GATA5: variants seen among roughly 807,000 people sequenced by gnomAD.
GATA5 encodes GATA binding protein 5.
In GATA5, 27 loss-of-function variants were observed where a neutral mutation model predicts 35.0. The ratio of observed to expected loss-of-function variants is 0.77; its 90% CI spans 0.57 to 1.06. GATA5 has a LOEUF of 1.06. GATA5 is among the 50% of genes least tolerant of loss of function. The pLI is 0.00. For synonymous variants in GATA5, 306 were observed against 267.8 expected, an observed-to-expected ratio of 1.14 and a Z score of -1.39; for missense variants, 612 against 580.0, an observed-to-expected ratio of 1.06 and a Z score of -0.57.
Position 62,475,486 on chromosome 20 carries a change from GC to G in GATA5, c.35del (p.Arg12ProfsTer135). 1 of 1,321,714 alleles carries G rather than the reference GC, an allele frequency of 7.6e-7. No homozygotes were observed. 81.9% of individuals were successfully genotyped at this position (1,321,714 alleles called of 1,614,324 possible). A position where few individuals can be genotyped will look rare whatever the true frequency, so the allele number is the denominator to read the frequency against. ...YQSLALAASP[R>X]QAAYADSGSF... is the part of the protein sequence containing the mutation. Reference sequence around the variant, plus strand: ...AGCCCGAGTCGGCGTAGGCGGCCTGGCGGGGGCTCGCGGCCAGCGCCAGGCT... The same window carrying G: ...AGCCCGAGTCGGCGTAGGCGGCCTGGGGGGGCTCGCGGCCAGCGCCAGGCT... On this transcript the variant is annotated frameshift_variant, in exon 2 of 7. Coordinates refer to ENST00000252997, the MANE Select transcript of GATA5 (RefSeq NM_080473.5). LOFTEE classifies it high-confidence loss of function.
rs199934543 is a variant in GATA5, at chr20:62,473,423, C to G, written c.679G>C (p.Val227Leu). 6.2e-7 allele frequency: 1 copy of G among 1,608,482 alleles called. No individual in the cohort carries two copies. The highest frequency in any genetic ancestry group is 8.5e-7 in the Non-Finnish European group (1 of 1,178,124). The change falls in exon 3 of 7, where the codon GTT becomes CTT. Residue 227 changes from valine (V) to leucine (L), a missense_variant. Physicochemically the swap from Val to Leu is conservative, Grantham distance 32. Coordinates refer to ENST00000252997, the MANE Select transcript of GATA5 (RefSeq NM_080473.5). ...HKMNGVNRPL[V>L]RPQKRLSSSR... is the part of the protein sequence containing the mutation. Reference sequence around the variant, plus strand: ...CTCACCAGGCGCTTCTGAGGCCGAACGAGCGGCCGGTTGACGCCATTCATC... The same window carrying G: ...CTCACCAGGCGCTTCTGAGGCCGAAGGAGCGGCCGGTTGACGCCATTCATC...
In GATA5 at chr20:62,465,476, G is replaced by C; in HGVS notation, c.914-12C>G. The C allele has an allele frequency of 1.2e-6, 2 of 1,604,156 alleles. No individual in the cohort carries two copies. The highest frequency in any genetic ancestry group is 1.3e-5 in the African/African-American group (1 of 75,008). On this transcript the variant is annotated splice_polypyrimidine_tract_variant and intron_variant, in intron 5 of 6. Coordinates refer to ENST00000252997, the MANE Select transcript of GATA5 (RefSeq NM_080473.5). The stretch of plus-strand genomic sequence containing the variant: ...ATTCCTTGTGGATCCTGGAAGCGAA[G>C]AGGGGGTGTTTACAGAGGGGTCAGG...
chr20:62,465,872 C>A lies in GATA5; in HGVS notation c.875G>T (p.Arg292Leu), dbSNP rs376516182. ...GGCCTTGGCGATGGTCTTTGGCTTC[C>A]GCTTCCGTGTCTGGATGCTTTCCTT... is the stretch of plus-strand genomic sequence containing the variant. ...MKKESIQTRK[R>L]KPKTIAKARG... The change falls in exon 5 of 7, where the codon CGG becomes CTG. Residue 292 changes from arginine (R) to leucine (L), a missense_variant. By Grantham distance (102) the Arg-to-Leu change is moderately radical (BLOSUM62 -2). Transcript: ENST00000252997. 5.6e-6 allele frequency: 9 copies of A among 1,597,790 alleles called. No homozygotes were observed. The African/African-American group carries it at 9.4e-5, about 17-fold the overall frequency.
rs56712807 is a variant in GATA5 at position 62,466,417 on chromosome 20, C to A, written c.825+9G>T. 1.5e-3 allele frequency: 2,414 copies of A among 1,578,290 alleles called. 36 individuals carry two copies. In the African/African-American group the frequency reaches 0.027, roughly 18 times the overall value. Reference sequence around the variant, plus strand: ...GGCCTCCCCGCCCTGCCCCGGGGACCACACTCACCCCGTGCAGCTTCATGT... The same window carrying A: ...GGCCTCCCCGCCCTGCCCCGGGGACAACACTCACCCCGTGCAGCTTCATGT... On this transcript the variant is annotated intron_variant, in intron 4 of 6. Transcript: ENST00000252997.
intron 5 of GATA5, 74 bp downstream of exon 5, chr20:62,465,760 C>T (rs1989568728): frequency 6.0e-6 from 7 of 1,167,346 alleles, no homozygotes; most frequent in Admixed American, 2.0e-5. Context: ...ACACACAGGT[C>T]TCTCATGACG....
chr20:62,475,402 G>A lies in GATA5; in HGVS notation c.120C>T (p.Pro40=). Residue 40 remains proline, a synonymous_variant, in exon 2 of 7, where the codon CCC becomes CCT. Coordinates refer to ENST00000252997, the MANE Select transcript of GATA5 (RefSeq NM_080473.5). ...SPMFVPPARV[P]SMLSYLSGCE... is the part of the protein sequence containing the mutation. The stretch of plus-strand genomic sequence containing the variant: ...ACCCGGACAGGTAGGACAGCATCGA[G>A]GGGACGCGCGCCGGCGGCACAAACA... The A allele has an allele frequency of 7.4e-7, 1 of 1,357,392 alleles. No individual in the cohort carries two copies. The highest frequency in any genetic ancestry group is 9.5e-7 in the Non-Finnish European group (1 of 1,054,226). 84.1% of individuals were successfully genotyped at this position (1,357,392 alleles called of 1,614,324 possible).
intron 6 of GATA5, 40 bp downstream of exon 6, chr20:62,465,300 G>T (rs1336074020): frequency 9.0e-6 from 14 of 1,557,838 alleles, no homozygotes; most frequent in Non-Finnish European, 1.2e-5. Flanking sequence ...AAGCACAGGG[G>T]CCCCAGCTCT....
Position 62,475,093 on chromosome 20 carries a change from C to G in GATA5, c.429G>C (p.Pro143=). 3.6e-6 allele frequency: 5 copies of G among 1,404,256 alleles called. No individual in the cohort carries two copies. The highest frequency in any genetic ancestry group is 4.6e-6 in the Non-Finnish European group (5 of 1,075,530). The allele number at this position is 1,404,256 out of a possible 1,614,324, so 87.0% of individuals were successfully genotyped here. ...GGGCCACGTCGGGGCTCACGTAGGCCGGGTAGGTGGCGGAGTACGAGGTCC... is the reference window on the plus strand; with the variant it reads ...GGGCCACGTCGGGGCTCACGTAGGCGGGGTAGGTGGCGGAGTACGAGGTCC... ...PVGTSYSATY[P]AYVSPDVAQS... is the part of the protein sequence containing the mutation. Residue 143 remains proline, a synonymous_variant, in exon 2 of 7, where the codon CCG becomes CCC. Coordinates refer to ENST00000252997, the MANE Select transcript of GATA5 (RefSeq NM_080473.5).
chr20:62,465,555 CAG>C, intron 5 of GATA5, 91 bp from the exon 6 acceptor site: 1 of 1,505,568 alleles, frequency 6.6e-7, no homozygotes, highest in South Asian at 1.3e-5. Flanking sequence ...GGCCCCGGCC[CAG>C]AGAGGTTTGG....
chr20:62,464,979 C>G lies in GATA5; in HGVS notation c.1051G>C (p.Glu351Gln). ...TGGCCGGGGGCAAGAGAGTCATCCT[C>G]CTGGCCAGAGGCCTGCAGGGACAGG... ...PSMAPQASGQ[E>Q]DDSLAPGHLE... Residue 351 changes from glutamate (E) to glutamine (Q), a missense_variant, in exon 7 of 7, where the codon GAG becomes CAG. By Grantham distance (29) the Glu-to-Gln change is conservative (BLOSUM62 2). Transcript: ENST00000252997. 6.3e-7 allele frequency: 1 copy of G among 1,592,624 alleles called. No individual in the cohort carries two copies. Among genetic ancestry groups the G allele is most frequent in the East Asian group, 2.3e-5 (1 of 43,504 alleles).
intron 3 of GATA5, among the ~76,000 whole-genome samples, chr20:62,472,841 GGCATAAACCT>G (rs149679951): frequency 0.21 from 32,232 of 152,002 alleles, 3,557 homozygotes; most frequent in East Asian, 0.34. Context: ...GCAGAGGACA[GGCATAAACCT>G]GGTGTCCCTG....
rs7344065 is a variant in GATA5 at position 62,464,287 on chromosome 20, T to C, written c.*549A>G. The C allele has an allele frequency of 0.32, 48,425 of 152,266 alleles. 8,824 individuals carry two copies. Among genetic ancestry groups the C allele is most frequent in the African/African-American group, 0.49 (20,421 of 41,480 alleles). 9.4% of individuals were successfully genotyped at this position (152,266 alleles called of 1,614,324 possible). The stretch of plus-strand genomic sequence containing the variant: ...CTCCGATCCCTGGCAGTCCTGCACC[T>C]GTTGCGGGAAAAGTTCTCTGCACCA... On this transcript the variant is annotated 3_prime_UTR_variant, in exon 7 of 7. Transcript: ENST00000252997.
rs1442538609 is a variant in GATA5 at position 62,466,657 on chromosome 20, T to C, written c.700-106A>G. On this transcript the variant is annotated intron_variant, in intron 3 of 6. Transcript: ENST00000252997. ...GGCCTTGCGGCCACGCAGGACCCGG[T>C]GAGAAGGTCGTGAGCTCTGCAATGG... The C allele has an allele frequency of 9.7e-6, 13 of 1,335,738 alleles. No homozygotes were observed. In the African/African-American group the frequency reaches 1.5e-4, roughly 15 times the overall value. 82.7% of individuals were successfully genotyped at this position (1,335,738 alleles called of 1,614,324 possible). A position where few individuals can be genotyped will look rare whatever the true frequency, so the allele number is the denominator to read the frequency against.
At chr20:62,473,640 T>C (rs1039514030) in intron 2 of GATA5, 62 bp from the exon 3 acceptor site, 30 of 1,506,182 alleles carry the variant, frequency 2.0e-5, no homozygotes, top group African/African-American at 1.8e-4. Context: ...CCCCAGCTCA[T>C]GGGCCGGCAC....
intron 3 of GATA5, 81 bp from the exon 4 acceptor site, chr20:62,466,632 G>T: frequency 6.8e-7 from 1 of 1,472,356 alleles, no homozygotes; most frequent in South Asian, 1.3e-5. Flanking sequence ...GACTCAGGTC[G>T]GCCTTGCGGC....
At chr20:62,474,906 G>A in intron 2 of GATA5, 93 bp downstream of exon 2, 1 of 1,106,482 alleles carries the variant, frequency 9.0e-7, no homozygotes, top group Non-Finnish European at 1.2e-6. Flanking sequence ...CTCGGACCGT[G>A]GGGGAGGATG....
chr20:62,471,795 C>T (rs1555896583), intron 3 of GATA5, among the ~76,000 whole-genome samples: 6 of 151,110 alleles, frequency 4.0e-5, no homozygotes, highest in African/African-American at 7.3e-5. Context: ...TTGGTGTGAT[C>T]ATAGCTTACT....
At chr20:62,472,260 T>G (rs1261120541) in intron 3 of GATA5, among the ~76,000 whole-genome samples, 3 of 151,932 alleles carry the variant, frequency 2.0e-5, no homozygotes, top group Non-Finnish European at 4.4e-5. Context: ...GGAAGAGAAG[T>G]GACGGCCGCC....
At position 62,474,999 on chromosome 20, in the gene GATA5, C is replaced by T; in HGVS notation, c.523G>A (p.Val175Met). 1 of 1,333,030 alleles carries T rather than the reference C, an allele frequency of 7.5e-7. No homozygotes were observed. Among genetic ancestry groups the T allele is most frequent in the Non-Finnish European group, 9.6e-7 (1 of 1,037,834 alleles). 82.6% of individuals were successfully genotyped at this position (1,333,030 alleles called of 1,614,324 possible). ...GAGACTGTGGAGCCCCCGCACTCAC[C>T]GAAGGTGGGCCTGCGGCCTGGGAGG... is the stretch of plus-strand genomic sequence containing the variant. ...HGLPGRRPTF[V>M]SDFLEEFPGE... Residue 175 changes from valine (V) to methionine (M), a missense_variant and splice_region_variant, in exon 2 of 7, where the codon GTG becomes ATG. Transcript: ENST00000252997.
Sources: gnomAD v4.1 joint callset for allele counts (sites outside exome capture counted in the v4.1 genomes callset) on GRCh38, gnomAD v4.1.1 for gene constraint, MANE v1.5 for transcripts, NCBI Gene and HGNC (gene_info 2026-07-23, HGNC 2026-07-21) for gene names.